The following OLFM3 variants were observed in gnomAD, a reference collection of about 807,000 sequenced individuals.
OLFM3 encodes noelin-3.
In OLFM3, 20 loss-of-function variants were observed where a neutral mutation model predicts 48.6. That is an observed-to-expected ratio of 0.41 (90% confidence interval 0.29 to 0.60). The LOEUF (loss-of-function observed/expected upper bound fraction) is 0.60, where lower values mean the gene tolerates loss of function less well. Ranked by LOEUF, OLFM3 falls within the 20% of genes least tolerant of loss-of-function variation. The pLI, the probability that OLFM3 is intolerant of heterozygous loss-of-function variation, is 0.28. For synonymous variants in OLFM3, 222 were observed against 198.1 expected, an observed-to-expected ratio of 1.12 and a Z score of -1.01; for missense variants, 437 against 544.3, an observed-to-expected ratio of 0.80 and a Z score of 1.96.
At chr1:101,980,667 G>A (rs1011830051) in intron 1 of OLFM3, among the ~76,000 whole-genome samples, 7 of 152,170 alleles carry the variant, frequency 4.6e-5, no homozygotes, top group African/African-American at 1.4e-4. Context: ...TCATCACAGT[G>A]TGAGAATGGA....
intron 1 of OLFM3, among the ~76,000 whole-genome samples, chr1:101,929,795 G>A (rs74918025): frequency 6.6e-6 from 1 of 151,992 alleles, no homozygotes; most frequent in African/African-American, 2.4e-5. Context: ...AATAATCCCA[G>A]TAATGTTTTC....
At chr1:101,893,694 T>C (rs1658090214) in intron 1 of OLFM3, 1 of 161,278 alleles carries the variant, frequency 6.2e-6, no homozygotes, top group African/African-American at 2.4e-5. Flanking sequence ...AGTCATCATC[T>C]CTCATCCAGG....
At position 101,846,949 on chromosome 1, in the gene OLFM3, C is replaced by T. The variant is rs771531870; in HGVS notation, c.70-9924G>A. 38 of 1,612,368 alleles carry T rather than the reference C, an allele frequency of 2.4e-5. 2 individuals are homozygous for T. The South Asian group carries it at 3.3e-4, about 14-fold the overall frequency. On this transcript the variant is annotated intron_variant, in intron 1 of 5. Coordinates refer to ENST00000370103, the MANE Select transcript of OLFM3 (RefSeq NM_058170.4). ...ATTGCCATGGTACTAAGCACAGCGCCAAGCTTCAGCAGTGGAGGACTCATT... is the reference window on the plus strand; with the variant it reads ...ATTGCCATGGTACTAAGCACAGCGCTAAGCTTCAGCAGTGGAGGACTCATT...
At chr1:101,931,584 C>A (rs1001066621) in intron 1 of OLFM3, among the ~76,000 whole-genome samples, 1 of 152,144 alleles carries the variant, frequency 6.6e-6, no homozygotes, top group African/African-American at 2.4e-5. Flanking sequence ...ACAGCAAAGT[C>A]CAAGTTAGTG....
intron 1 of OLFM3, among the ~76,000 whole-genome samples, chr1:101,846,333 T>C (rs1270499923): frequency 6.6e-6 from 1 of 152,206 alleles, no homozygotes; most frequent in East Asian, 1.9e-4. Flanking sequence ...AGGCCTTAAA[T>C]TGGCGAGTTT....
At chr1:101,931,239 A>G (rs538999400) in intron 1 of OLFM3, among the ~76,000 whole-genome samples, 1 of 152,290 alleles carries the variant, frequency 6.6e-6, no homozygotes, top group East Asian at 1.9e-4. Flanking sequence ...CTTTTGTACA[A>G]ATGCATAAGG....
chr1:101,820,308 C>G (rs1654549088), intron 4 of OLFM3, among the ~76,000 whole-genome samples: 2 of 151,982 alleles, frequency 1.3e-5, no homozygotes, highest in South Asian at 4.2e-4. Flanking sequence ...ACAGCACTAA[C>G]AGGAGGGAGT....
At chr1:101,990,733 C>T (rs1661375267) in intron 1 of OLFM3, among the ~76,000 whole-genome samples, 2 of 151,600 alleles carry the variant, frequency 1.3e-5, no homozygotes, top group Admixed American at 1.3e-4. Context: ...CGCCTGTAAT[C>T]CCAGCACTTT....
chr1:101,975,174 A>G (rs1439540891), intron 1 of OLFM3, among the ~76,000 whole-genome samples: 2 of 152,196 alleles, frequency 1.3e-5, no homozygotes. Context: ...TCCCAGGTAA[A>G]CAATTGCTGT....
intron 1 of OLFM3, among the ~76,000 whole-genome samples, chr1:101,969,596 G>C (rs770393044): frequency 4.6e-5 from 7 of 152,090 alleles, no homozygotes; most frequent in Non-Finnish European, 7.4e-5. Context: ...GTGTTATTCA[G>C]ACTTTAATAA....
Position 101,825,187 on chromosome 1 carries a change from T to C in OLFM3, c.431A>G (p.Lys144Arg). 1 of 1,614,100 alleles carries C rather than the reference T, an allele frequency of 6.2e-7. No homozygotes were observed. Among genetic ancestry groups the C allele is most frequent in the East Asian group, 2.2e-5 (1 of 44,866 alleles). Residue 144 changes from lysine (K) to arginine (R), a missense_variant, in exon 4 of 6, where the codon AAA (lysine) becomes AGA (arginine). Transcript: ENST00000370103. ...CTGGGTGATTAACTTAGCATCTGTT[T>C]TGTACTGTTCCAGCACGGGGATCAA... ...LPLIPVLEQY[K>R]TDAKLITQFK...
chr1:101,910,437 G>A (rs1167803541), intron 1 of OLFM3, among the ~76,000 whole-genome samples: 1 of 149,416 alleles, frequency 6.7e-6, no homozygotes, highest in Non-Finnish European at 1.5e-5. Context: ...CTGCACTCCA[G>A]CCTGGGCGAC....
At chr1:101,840,473 AT>A (rs11369836) in intron 1 of OLFM3, among the ~76,000 whole-genome samples, 45 of 143,344 alleles carry the variant, frequency 3.1e-4, no homozygotes, top group East Asian at 2.3e-3. Flanking sequence ...TATTTCAGAG[AT>A]TTTTTTTTTT....
chr1:101,928,170 T>C (rs1659332395), intron 1 of OLFM3, among the ~76,000 whole-genome samples: 3 of 152,116 alleles, frequency 2.0e-5, no homozygotes, highest in African/African-American at 7.2e-5. Flanking sequence ...GAAATCTTTC[T>C]TCATATGGGA....
At chr1:101,966,564 C>T (rs1358564307) in intron 1 of OLFM3, among the ~76,000 whole-genome samples, 1 of 152,082 alleles carries the variant, frequency 6.6e-6, no homozygotes, top group Non-Finnish European at 1.5e-5. Flanking sequence ...GATAAGTATC[C>T]ACTTACTAAA....
intron 1 of OLFM3, among the ~76,000 whole-genome samples, chr1:101,881,419 A>G (rs528238362): frequency 2.6e-5 from 4 of 151,996 alleles, no homozygotes; most frequent in African/African-American, 9.6e-5. Flanking sequence ...AACCCAAACC[A>G]GAGTACTCTT....
At chr1:101,896,294 A>C (rs1027894413) in intron 1 of OLFM3, among the ~76,000 whole-genome samples, 4 of 151,978 alleles carry the variant, frequency 2.6e-5, no homozygotes, top group Admixed American at 6.6e-5. Flanking sequence ...AATATTAAGA[A>C]TGTTGTGTCG....
At chr1:101,934,986 T>C (rs1659565083) in intron 1 of OLFM3, among the ~76,000 whole-genome samples, 1 of 151,944 alleles carries the variant, frequency 6.6e-6, no homozygotes, top group Non-Finnish European at 1.5e-5. Flanking sequence ...GAGGGGGAGT[T>C]TATGGCATTA....
At chr1:101,837,685 G>A (rs1277831899) in intron 1 of OLFM3, 2 of 152,184 alleles carry the variant, frequency 1.3e-5, no homozygotes, top group African/African-American at 4.8e-5. Flanking sequence ...GTGTGAAGGG[G>A]TGGTATTCCA....
Sources: gnomAD v4.1 joint callset for allele counts (sites outside exome capture counted in the v4.1 genomes callset) on GRCh38, gnomAD v4.1.1 for gene constraint, MANE v1.5 for transcripts, NCBI Gene and HGNC (gene_info 2026-07-23, HGNC 2026-07-21) for gene names.